The following MMP14 variants were observed in gnomAD, a reference collection of about 807,000 sequenced individuals.
MMP14 encodes the protein matrix metallopeptidase 14, also known as matrix metalloproteinase-14.
MMP14 carries 13 observed loss-of-function variants against 64.8 expected under a neutral mutation model. The observed-to-expected ratio is 0.20, with a 90% confidence interval of 0.13 to 0.32. The LOEUF is 0.32. MMP14 is among the 10% of genes least tolerant of loss of function. MMP14 has a pLI of 1.00. For missense variants in MMP14, 594 were observed against 783.8 expected (o/e 0.76, Z 2.89); for synonymous variants, 322 against 315.9 (o/e 1.02, Z -0.20).
In MMP14 at chr14:22,845,841, G is replaced by T; in HGVS notation, c.1551G>T (p.Gly517=). The change falls in exon 10 of 10, where the codon GGG becomes GGT. Residue 517 remains glycine, a synonymous_variant. Transcript: ENST00000311852. The stretch of plus-strand genomic sequence containing the variant: ...CATCGGGAGGCCGGCCGGATGAGGG[G>T]ACTGAGGAGGAGACGGAGGTGATCA... ...GCPSGGRPDE[G]TEEETEVIII... is the part of the protein sequence containing the mutation. The T allele has an allele frequency of 6.2e-7, 1 of 1,614,202 alleles. No individual in the cohort carries two copies. Among genetic ancestry groups the T allele is most frequent in the Non-Finnish European group, 8.5e-7 (1 of 1,180,048 alleles).
chr14:22,838,313 T>A (rs182654703), intron 1 of MMP14, among the ~76,000 whole-genome samples: 136 of 152,218 alleles, frequency 8.9e-4, no homozygotes, highest in South Asian at 4.1e-3. Flanking sequence ...CTGCCTTACC[T>A]TTTTTCCCTC....
Position 22,842,816 on chromosome 14 carries a change from AC to A in MMP14, c.688+101del. 1 of 1,225,816 alleles carries A rather than the reference AC, an allele frequency of 8.2e-7. No individual in the cohort carries two copies. The highest frequency in any genetic ancestry group is 1.1e-6 in the Non-Finnish European group (1 of 885,488). 75.9% of individuals were successfully genotyped at this position (1,225,816 alleles called of 1,614,324 possible). On this transcript the variant is annotated intron_variant, in intron 4 of 9. Coordinates refer to ENST00000311852, the MANE Select transcript of MMP14 (RefSeq NM_004995.4). The surrounding 1 kb of genome is among the most constrained non-coding windows in gnomAD (Gnocchi z 5.3). The stretch of plus-strand genomic sequence containing the variant: ...TTCCAAAATCTCCGGGCTAGAAGGG[AC>A]CACAGAGACCTTCTGATCTAACTTC...
Position 22,845,773 on chromosome 14 carries a change from C to T in MMP14, c.1483C>T (p.Pro495Ser), listed in dbSNP as rs200292827. 1 of 1,614,192 alleles carries T rather than the reference C, an allele frequency of 6.2e-7. No individual in the cohort carries two copies. The highest frequency in any genetic ancestry group is 8.5e-7 in the Non-Finnish European group (1 of 1,180,048). Residue 495 changes from proline (P) to serine (S), a missense_variant, in exon 10 of 10, where the codon CCG (proline) becomes TCG (serine). By Grantham distance (74) the Pro-to-Ser change is moderately conservative (BLOSUM62 -1). Coordinates refer to ENST00000311852, the MANE Select transcript of MMP14 (RefSeq NM_004995.4). ...CAACAACCAGAAGCTGAAGGTAGAA[C>T]CGGGCTACCCCAAGTCAGCCCTGAG... ...KFNNQKLKVE[P>S]GYPKSALRDW...
chr14:22,846,203 C>G lies in MMP14; in HGVS notation c.*164C>G, dbSNP rs1451892419. On this transcript the variant is annotated 3_prime_UTR_variant, in exon 10 of 10. Transcript: ENST00000311852. ...CTGGCCTCCTTCACCCTGACCGCCTCCCTCCCTCCTGCCCCGGCATTGCAT... is the reference window on the plus strand; with the variant it reads ...CTGGCCTCCTTCACCCTGACCGCCTGCCTCCCTCCTGCCCCGGCATTGCAT... The G allele has an allele frequency of 1.5e-5, 10 of 658,202 alleles. No homozygotes were observed. In the South Asian group the frequency reaches 1.9e-4, roughly 12 times the overall value. The allele number at this position is 658,202 out of a possible 1,614,324, so 40.8% of individuals were successfully genotyped here. A position where few individuals can be genotyped will look rare whatever the true frequency, so the allele number is the denominator to read the frequency against.
intron 1 of MMP14, among the ~76,000 whole-genome samples, chr14:22,838,978 G>A (rs2039754201): frequency 6.6e-6 from 1 of 152,218 alleles, no homozygotes; most frequent in Non-Finnish European, 1.5e-5. Flanking sequence ...GGTTGTAGGT[G>A]TGAATATTTA....
chr14:22,839,240 T>A (rs1431540131), intron 1 of MMP14, among the ~76,000 whole-genome samples: 1 of 152,214 alleles, frequency 6.6e-6, no homozygotes, highest in Non-Finnish European at 1.5e-5. Context: ...AAGCAGCTGC[T>A]CCTCAACCAA....
chr14:22,846,275 T>A lies in MMP14; in HGVS notation c.*236T>A, dbSNP rs2039813089. On this transcript the variant is annotated 3_prime_UTR_variant, in exon 10 of 10. Transcript: ENST00000311852. ...AGGGCTGAGTGGGAGGGCGGCCCTT[T>A]CCAGCCTCTGCCCCTCAGGGGAACC... 1.9e-6 allele frequency: 1 copy of A among 517,138 alleles called. No homozygotes were observed. The highest frequency in any genetic ancestry group is 3.1e-5 in the East Asian group (1 of 31,846). The allele number at this position is 517,138 out of a possible 1,614,324, so 32.0% of individuals were successfully genotyped here.
At chr14:22,844,170 C>A (rs1384154364) in intron 6 of MMP14, among the ~76,000 whole-genome samples, 1 of 150,748 alleles carries the variant, frequency 6.6e-6, no homozygotes, top group East Asian at 2.0e-4. Context: ...GCACTCCAGC[C>A]TGGACAACAG....
chr14:22,843,852 G>T lies in MMP14; in HGVS notation c.993G>T (p.Gly331=). ...TTGACACCGTGGCCATGCTCCGAGG[G>T]GAGATGTTTGTCTTCAAGGTGAGAA... ...GNFDTVAMLR[G]EMFVFKERWF... is the part of the protein sequence containing the mutation. The change falls in exon 6 of 10, where the codon GGG becomes GGT. Residue 331 remains glycine, a synonymous_variant. Transcript: ENST00000311852. This position sits in a 1 kb window ranked among gnomAD's most constrained non-coding sequence, Gnocchi z 4.8. The T allele has an allele frequency of 1.2e-6, 2 of 1,611,752 alleles. No homozygotes were observed. Among genetic ancestry groups the T allele is most frequent in the Non-Finnish European group, 1.7e-6 (2 of 1,179,490 alleles).
At chr14:22,844,283 C>T (rs948320773) in intron 6 of MMP14, 88 bp from the exon 7 acceptor site, 4 of 1,555,308 alleles carry the variant, frequency 2.6e-6, no homozygotes, top group Non-Finnish European at 3.5e-6. Context: ...AACTGAGGAA[C>T]AAACAGCAGT....
chr14:22,846,311 G>GTGTC lies in MMP14; in HGVS notation c.*277_*280dup. The GTGTC allele has an allele frequency of 2.1e-6, 1 of 479,298 alleles. No homozygotes were observed. The highest frequency in any genetic ancestry group is 2.0e-5 in the African/African-American group (1 of 51,146). The allele number at this position is 479,298 out of a possible 1,614,324, so 29.7% of individuals were successfully genotyped here. A position where few individuals can be genotyped will look rare whatever the true frequency, so the allele number is the denominator to read the frequency against. ...CCCCTCAGGGGAACCCTGTAGCTTT[G>GTGTC]TGTCTGTCCAGCCCCATCTGAATGT... On this transcript the variant is annotated 3_prime_UTR_variant, in exon 10 of 10. Coordinates refer to ENST00000311852, the MANE Select transcript of MMP14 (RefSeq NM_004995.4).
chr14:22,846,293 G>C lies in MMP14; in HGVS notation c.*254G>C. 1 of 504,518 alleles carries C rather than the reference G, an allele frequency of 2.0e-6. No individual in the cohort carries two copies. The allele number at this position is 504,518 out of a possible 1,614,324, so 31.3% of individuals were successfully genotyped here. A position where few individuals can be genotyped will look rare whatever the true frequency, so the allele number is the denominator to read the frequency against. On this transcript the variant is annotated 3_prime_UTR_variant, in exon 10 of 10. Transcript: ENST00000311852. Reference sequence around the variant, plus strand: ...GGCCCTTTCCAGCCTCTGCCCCTCAGGGGAACCCTGTAGCTTTGTGTCTGT... The same window carrying C: ...GGCCCTTTCCAGCCTCTGCCCCTCACGGGAACCCTGTAGCTTTGTGTCTGT...
intron 1 of MMP14, among the ~76,000 whole-genome samples, chr14:22,838,535 C>T (rs571738135): frequency 6.6e-6 from 1 of 152,302 alleles, no homozygotes; most frequent in South Asian, 2.1e-4. Context: ...GGAGGTGTTC[C>T]GTTGACTTTC....
chr14:22,841,346 C>T, intron 1 of MMP14, 145 bp from the exon 2 acceptor site: 1 of 1,021,308 alleles, frequency 9.8e-7, no homozygotes, highest in Non-Finnish European at 1.4e-6. Flanking sequence ...CCTGGGAGTT[C>T]CTCCAGACCT....
At position 22,844,705 on chromosome 14, in the gene MMP14, G is replaced by A. The variant is rs1361991049; in HGVS notation, c.1226G>A (p.Gly409Glu). 1.2e-6 allele frequency: 2 copies of A among 1,613,964 alleles called. No individual in the cohort carries two copies. The highest frequency in any genetic ancestry group is 1.3e-5 in the African/African-American group (1 of 74,852). The change falls in exon 8 of 10, where the codon GGG becomes GAG. Residue 409 changes from glycine to glutamate, a missense_variant. Transcript: ENST00000311852. ...AAGCACATTAAGGAGCTGGGCCGAG[G>A]GCTGCCTACCGACAAGATTGATGCT... ...YPKHIKELGR[G>E]LPTDKIDAAL...
intron 1 of MMP14, among the ~76,000 whole-genome samples, chr14:22,840,288 T>A (rs888403661): frequency 1.1e-4 from 16 of 152,186 alleles, no homozygotes; most frequent in African/African-American, 3.9e-4. Context: ...ACTTTGAGGC[T>A]TTAAGAAAAT....
Position 22,841,608 on chromosome 14 carries a change from G to C in MMP14, c.226G>C (p.Val76Leu). Reference sequence around the variant, plus strand: ...CATGCAGAAGTTTTACGGCTTGCAAGTAACAGGCAAAGCTGATGCAGACAC... The same window carrying C: ...CATGCAGAAGTTTTACGGCTTGCAACTAACAGGCAAAGCTGATGCAGACAC... ...AAMQKFYGLQ[V>L]TGKADADTMK... The change falls in exon 2 of 10, where the codon GTA becomes CTA. Residue 76 changes from valine to leucine, a missense_variant. By Grantham distance (32) the Val-to-Leu change is conservative (BLOSUM62 1). Transcript: ENST00000311852. The C allele has an allele frequency of 1.2e-6, 2 of 1,614,086 alleles. No individual in the cohort carries two copies. Among genetic ancestry groups the C allele is most frequent in the Non-Finnish European group, 1.7e-6 (2 of 1,180,016 alleles).
intron 9 of MMP14, 144 bp from the exon 10 acceptor site, chr14:22,845,564 C>G (rs773623613): frequency 1.0e-6 from 1 of 970,130 alleles, no homozygotes; most frequent in Admixed American, 2.0e-5. Context: ...TATAAGCACC[C>G]CCATTTTACA....
intron 8 of MMP14, 129 bp downstream of exon 8, chr14:22,844,909 T>C: frequency 1.5e-6 from 2 of 1,307,608 alleles, no homozygotes; most frequent in Admixed American, 2.0e-5. Context: ...GCTGAGCCTC[T>C]GCTGTTGCCT....
Sources: gnomAD v4.1 joint callset for allele counts (sites outside exome capture counted in the v4.1 genomes callset) on GRCh38, gnomAD v4.1.1 for gene constraint, Gnocchi (gnomAD v3.1) non-coding constraint, MANE v1.5 for transcripts, NCBI Gene and HGNC (gene_info 2026-07-23, HGNC 2026-07-21) for gene names.